Variants in XPO6 observed in about 807,000 individuals in gnomAD.
The protein encoded by XPO6 is exportin 6, also known as exportin-6.
A neutral mutation model predicts 130.0 loss-of-function variants in XPO6; 3 were observed. The ratio of observed to expected loss-of-function variants is 0.02; its 90% CI spans 0.01 to 0.06. The LOEUF is 0.06. Among genes scored for constraint, XPO6 ranks in the 10% least tolerant of loss-of-function variants. XPO6 has a pLI of 1.00. For missense variants in XPO6, 970 were observed against 1,393.0 expected, an observed-to-expected ratio of 0.70 and a Z score of 4.83; for synonymous variants, 524 against 548.9, an observed-to-expected ratio of 0.95 and a Z score of 0.63.
chr16:28,192,205 G>A (rs1386521551), intron 1 of XPO6, among the ~76,000 whole-genome samples: 1 of 146,116 alleles, frequency 6.8e-6, no homozygotes, highest in Non-Finnish European at 1.5e-5. Context: ...AGAGACTGCA[G>A]TGAGCAGAGA....
intron 1 of XPO6, among the ~76,000 whole-genome samples, chr16:28,182,420 C>T (rs138252430): frequency 1.5e-4 from 23 of 152,290 alleles, no homozygotes; most frequent in African/African-American, 4.3e-4. Flanking sequence ...CTACACAGAA[C>T]ACAGGGCCAC....
rs1276853900 is a variant in XPO6, at chr16:28,106,532, GCA to G, written c.2498-37_2498-36del. 1.3e-6 allele frequency: 2 copies of G among 1,563,862 alleles called. No individual in the cohort carries two copies. The highest frequency in any genetic ancestry group is 1.8e-6 in the Non-Finnish European group (2 of 1,136,056). ...GGGGCAGAGATATCGTCAGAGGCTT[GCA>G]CACAGTGAGAACCAGAACCCTGGGC... On this transcript the variant is annotated intron_variant, in intron 18 of 23. Transcript: ENST00000304658. This position sits in a 1 kb window ranked among gnomAD's most constrained non-coding sequence, Gnocchi z 4.2.
chr16:28,128,066 C>A (rs1477233535), intron 12 of XPO6, among the ~76,000 whole-genome samples: 1 of 152,124 alleles, frequency 6.6e-6, no homozygotes, highest in Admixed American at 6.5e-5. Flanking sequence ...ACTGGTTGTA[C>A]GAAAGGGAAC....
intron 9 of XPO6, among the ~76,000 whole-genome samples, chr16:28,136,887 A>G (rs1000020262): frequency 1.3e-5 from 2 of 152,216 alleles, no homozygotes; most frequent in South Asian, 2.1e-4. Context: ...CTCCACATCA[A>G]TCTGCTCTCC....
At chr16:28,200,382 C>T (rs778803213) in intron 1 of XPO6, among the ~76,000 whole-genome samples, 1 of 152,202 alleles carries the variant, frequency 6.6e-6, no homozygotes, top group Non-Finnish European at 1.5e-5. Flanking sequence ...AATGGGCTTA[C>T]CTGAATTAAA....
intron 12 of XPO6, among the ~76,000 whole-genome samples, chr16:28,131,091 A>C (rs2042659454): frequency 6.6e-6 from 1 of 152,234 alleles, no homozygotes; most frequent in Admixed American, 6.5e-5. Flanking sequence ...AATGATTTTC[A>C]TTAGTGGTGA....
chr16:28,211,461 G>C lies in XPO6; in HGVS notation c.-93C>G. ...TTCAGGTCATGGTCCCGGCAGACTC[G>C]GGAAGTCCCCCACCCATGCAAAGAC... On this transcript the variant is annotated 5_prime_UTR_variant, in exon 1 of 24. Transcript: ENST00000304658. 1 of 1,279,062 alleles carries C rather than the reference G, an allele frequency of 7.8e-7. No homozygotes were observed. The highest frequency in any genetic ancestry group is 1.0e-6 in the Non-Finnish European group (1 of 999,576). 79.2% of individuals were successfully genotyped at this position (1,279,062 alleles called of 1,614,324 possible).
intron 21 of XPO6, among the ~76,000 whole-genome samples, chr16:28,103,685 G>C (rs2086702792): frequency 1.3e-5 from 2 of 152,166 alleles, no homozygotes; most frequent in African/African-American, 4.8e-5. Context: ...GCAAACACTT[G>C]AGTACTGCAG....
intron 1 of XPO6, among the ~76,000 whole-genome samples, chr16:28,188,557 C>T (rs2043732372): frequency 6.6e-6 from 1 of 150,664 alleles, no homozygotes; most frequent in Non-Finnish European, 1.5e-5. Flanking sequence ...ACAACACATG[C>T]GATTAGCAAA....
intron 9 of XPO6, among the ~76,000 whole-genome samples, chr16:28,138,090 C>T (rs1452303993): frequency 2.9e-5 from 4 of 138,074 alleles, no homozygotes; most frequent in Admixed American, 7.1e-5. Flanking sequence ...GAAAGAATGC[C>T]GGCAGGGAAA....
At position 28,125,853 on chromosome 16, in the gene XPO6, AACACAAC is replaced by A; in HGVS notation, c.1607-12_1607-6del. On this transcript the variant is annotated splice_region_variant and splice_polypyrimidine_tract_variant and intron_variant, in intron 12 of 23. Transcript: ENST00000304658. The stretch of plus-strand genomic sequence containing the variant: ...CCGTGATGTTCAACCTGTGTCCTGG[AACACAAC>A]ACGCCAGACAGTTTTTCACAGGAAG... 1 of 1,612,928 alleles carries A rather than the reference AACACAAC, an allele frequency of 6.2e-7. No individual in the cohort carries two copies. The highest frequency in any genetic ancestry group is 8.5e-7 in the Non-Finnish European group (1 of 1,179,600).
At chr16:28,165,632 TAAC>T (rs1203510981) in intron 6 of XPO6, among the ~76,000 whole-genome samples, 2 of 152,224 alleles carry the variant, frequency 1.3e-5, no homozygotes, top group Non-Finnish European at 2.9e-5. Flanking sequence ...TTCCACATAC[TAAC>T]AACAGGCTAC....
rs1361497459 is a variant in XPO6, at chr16:28,156,225, T to C, written c.946A>G (p.Ile316Val). ...GRLGVLAMSC[I>V]NELMSKNCVP... ...CAGTTCTTGGACATGAGTTCATTGA[T>C]GCAGGACATGGCCAGGACCCCCAGC... The change falls in exon 7 of 24, where the codon ATC becomes GTC. Residue 316 changes from isoleucine (I) to valine (V), a missense_variant. Transcript: ENST00000304658. 7 of 1,614,038 alleles carry C rather than the reference T, an allele frequency of 4.3e-6. No individual in the cohort carries two copies. The African/African-American group carries it at 5.3e-5, about 12-fold the overall frequency.
intron 9 of XPO6, among the ~76,000 whole-genome samples, chr16:28,141,952 GAGCTCCA>G (rs1276444725): frequency 6.6e-6 from 1 of 152,234 alleles, no homozygotes. Context: ...TGAGCATGCA[GAGCTCCA>G]ATTTCCAAGC....
At chr16:28,112,429 G>A (rs2141249169) in intron 16 of XPO6, among the ~76,000 whole-genome samples, 1 of 152,276 alleles carries the variant, frequency 6.6e-6, no homozygotes, top group African/African-American at 2.4e-5. Context: ...ACATCCTGGT[G>A]CCCTCTGGTA....
intron 9 of XPO6, among the ~76,000 whole-genome samples, chr16:28,144,246 AC>A (rs2042944715): frequency 6.6e-6 from 1 of 152,268 alleles, no homozygotes; most frequent in Admixed American, 6.5e-5. Context: ...GTGACCTGAC[AC>A]CATAGCAACC....
intron 8 of XPO6, among the ~76,000 whole-genome samples, chr16:28,148,049 C>CA (rs754201735): frequency 2.6e-5 from 4 of 152,202 alleles, no homozygotes; most frequent in Non-Finnish European, 4.4e-5. Flanking sequence ...GAGCTTCCCT[C>CA]AAGTCAATCA....
At position 28,201,113 on chromosome 16, in the gene XPO6, A is replaced by G. The variant is rs576620968; in HGVS notation, c.3+10253T>C. Reference sequence around the variant, plus strand: ...CAATTAGCTTTGGGGCTCCCCAGTAAGCACACCACCCCCCACAGCACTTGT... The same window carrying G: ...CAATTAGCTTTGGGGCTCCCCAGTAGGCACACCACCCCCCACAGCACTTGT... On this transcript the variant is annotated intron_variant, in intron 1 of 23. Coordinates refer to ENST00000304658, the MANE Select transcript of XPO6 (RefSeq NM_015171.4). Among the ~76,000 whole-genome samples the G allele has an allele frequency of 9.9e-5, 15 of 152,116 alleles. No homozygotes were observed. The East Asian group carries it at 2.9e-3, about 29-fold the overall frequency.
rs2044136387 is a variant in XPO6, at chr16:28,211,678, C to T, written c.-310G>A. ...CTCGGGACCCCCGCCCGGGCCCGACCCCCGCGGGGGAGGCTGCGGGCCCAG... is the reference window on the plus strand; with the variant it reads ...CTCGGGACCCCCGCCCGGGCCCGACTCCCGCGGGGGAGGCTGCGGGCCCAG... On this transcript the variant is annotated 5_prime_UTR_variant, in exon 1 of 24. Coordinates refer to ENST00000304658, the MANE Select transcript of XPO6 (RefSeq NM_015171.4). 2.5e-6 allele frequency: 1 copy of T among 395,256 alleles called. No homozygotes were observed. The highest frequency in any genetic ancestry group is 2.1e-5 in the African/African-American group (1 of 48,450). 24.5% of individuals were successfully genotyped at this position (395,256 alleles called of 1,614,324 possible).
Sources: allele counts gnomAD v4.1 joint callset (sites outside exome capture counted in the v4.1 genomes callset), GRCh38; gene constraint gnomAD v4.1.1; non-coding constraint Gnocchi (gnomAD v3.1); transcripts MANE v1.5; gene names NCBI Gene and HGNC (gene_info 2026-07-23, HGNC 2026-07-21).